TCF25: variants seen among roughly 807,000 people sequenced by gnomAD.
The protein encoded by TCF25 is ribosome quality control complex subunit TCF25.
A neutral mutation model predicts 83.1 loss-of-function variants in TCF25; 41 were observed. The observed-to-expected ratio is 0.49, with a 90% confidence interval of 0.38 to 0.64. The LOEUF (loss-of-function observed/expected upper bound fraction) is 0.64, where lower values mean the gene tolerates loss of function less well. TCF25 is among the 30% of genes least tolerant of loss of function. The pLI is 0.00. For missense variants in TCF25, 979 were observed against 914.5 expected (o/e 1.07, Z -0.91); for synonymous variants, 458 against 365.0 (o/e 1.25, Z -2.90).
intron 12 of TCF25, among the ~76,000 whole-genome samples, chr16:89,901,393 C>T (rs1020750589): frequency 3.3e-5 from 5 of 151,732 alleles, no homozygotes; most frequent in Admixed American, 2.0e-4. Context: ...GGTGAAATCC[C>T]TCCTTAAGAC....
intron 16 of TCF25, chr16:89,909,216 T>C: frequency 2.5e-6 from 3 of 1,186,992 alleles, no homozygotes; most frequent in Non-Finnish European, 3.3e-6. Context: ...CAACTAAAAA[T>C]ACAAAACTTA....
Position 89,873,594 on chromosome 16 carries a change from G to A in TCF25, c.-74G>A. 7.2e-7 allele frequency: 1 copy of A among 1,386,260 alleles called. No individual in the cohort carries two copies. The highest frequency in any genetic ancestry group is 1.5e-5 in the African/African-American group (1 of 66,190). 85.9% of individuals were successfully genotyped at this position (1,386,260 alleles called of 1,614,324 possible). On this transcript the variant is annotated 5_prime_UTR_variant, in exon 1 of 18. Transcript: ENST00000263346. The stretch of plus-strand genomic sequence containing the variant: ...CCGCCCCCGACCCCGCGCGAAGAGT[G>A]CGCAGGCGCGCCGACAGCCGAGTTT...
intron 15 of TCF25, among the ~76,000 whole-genome samples, chr16:89,906,734 C>A (rs762715257): frequency 5.3e-5 from 8 of 152,118 alleles, no homozygotes; most frequent in Non-Finnish European, 1.2e-4. Context: ...GACCGTGGAC[C>A]GTCCACTGGG....
At position 89,893,752 on chromosome 16, in the gene TCF25, CA is replaced by C. The variant is rs750914338; in HGVS notation, c.729del (p.Gly244AlafsTer66). 1 of 1,613,720 alleles carries C rather than the reference CA, an allele frequency of 6.2e-7. No individual in the cohort carries two copies. Reference sequence around the variant, plus strand: ...GGTCTGTCCATGCGGCTGCTGGAATCAAAAAAAGGCCTCTCCTTCTTTGCGT... The same window carrying C: ...GGTCTGTCCATGCGGCTGCTGGAATCAAAAAAGGCCTCTCCTTCTTTGCGT... ...KPGLSMRLLESKKGLSFFAFE... is the reference protein window; with the variant it reads ...KPGLSMRLLEXKKGLSFFAFE... On this transcript the variant is annotated frameshift_variant, in exon 7 of 18. Coordinates refer to ENST00000263346, the MANE Select transcript of TCF25 (RefSeq NM_014972.3). LOFTEE classifies it high-confidence loss of function.
chr16:89,887,526 C>A, intron 4 of TCF25, 126 bp from the exon 5 acceptor site: 2 of 826,902 alleles, frequency 2.4e-6, no homozygotes, highest in Non-Finnish European at 3.5e-6. Flanking sequence ...AGAGAAAGGC[C>A]TGGAAGCTGC....
intron 16 of TCF25, chr16:89,908,826 CCAGCTCCCACCTCG>C (rs553783721): frequency 0.021 from 19,837 of 967,008 alleles, 241 homozygotes; most frequent in Middle Eastern, 0.024. Flanking sequence ...CTCCCAGCTC[CCAGCTCCCACCTCG>C]CAGCTCCCAG....
At chr16:89,893,489 A>G (rs527446507) in intron 6 of TCF25, among the ~76,000 whole-genome samples, 2 of 152,326 alleles carry the variant, frequency 1.3e-5, no homozygotes, top group Admixed American at 6.5e-5. Context: ...CGAGTTCTGG[A>G]GGCAAACACG....
intron 11 of TCF25, 118 bp from the exon 12 acceptor site, chr16:89,900,507 CCCTTGCGTTG>C: frequency 9.6e-7 from 1 of 1,039,472 alleles, no homozygotes; most frequent in Non-Finnish European, 1.3e-6. Context: ...TAGGAAGAGG[CCCTTGCGTTG>C]CCTGCAGAAT....
chr16:89,911,314 T>G lies in TCF25; in HGVS notation c.*76T>G. ...TGTTGGTCGGAGTCGGCCAGTTGCC[T>G]GAAGTAGGGAAGCTGAGTGTGTCGC... On this transcript the variant is annotated 3_prime_UTR_variant, in exon 18 of 18. Coordinates refer to ENST00000263346, the MANE Select transcript of TCF25 (RefSeq NM_014972.3). 1 of 1,579,032 alleles carries G rather than the reference T, an allele frequency of 6.3e-7. No homozygotes were observed. The highest frequency in any genetic ancestry group is 8.6e-7 in the Non-Finnish European group (1 of 1,157,040).
intron 11 of TCF25, among the ~76,000 whole-genome samples, chr16:89,899,740 A>AT (rs1454417010): frequency 6.6e-6 from 1 of 152,036 alleles, no homozygotes; most frequent in Non-Finnish European, 1.5e-5. Flanking sequence ...AAAAAAAAAA[A>AT]AGAAAATTTA....
intron 12 of TCF25, among the ~76,000 whole-genome samples, chr16:89,903,816 A>T (rs999352977): frequency 6.6e-6 from 1 of 151,760 alleles, no homozygotes; most frequent in Non-Finnish European, 1.5e-5. Context: ...CAGAAAAACA[A>T]AAAAAAACCC....
At chr16:89,879,313 CACACGTGCTGTT>C (rs2042432063) in intron 1 of TCF25, among the ~76,000 whole-genome samples, 1 of 145,470 alleles carries the variant, frequency 6.9e-6, no homozygotes, top group Admixed American at 6.9e-5. Context: ...CAGAGCCTGT[CACACGTGCTGTT>C]CGTGTACACA....
At chr16:89,897,189 G>A (rs1219845490) in intron 9 of TCF25, among the ~76,000 whole-genome samples, 1 of 152,258 alleles carries the variant, frequency 6.6e-6, no homozygotes, top group Non-Finnish European at 1.5e-5. Context: ...AAATCAGTGA[G>A]GAGCTCAGAG....
intron 13 of TCF25, 73 bp downstream of exon 13, chr16:89,904,278 C>A: frequency 6.8e-7 from 1 of 1,472,034 alleles, no homozygotes; most frequent in Non-Finnish European, 9.3e-7. Flanking sequence ...TTCACTCATC[C>A]TGAGAGGCCC....
chr16:89,876,083 AAG>A (rs1216511697), intron 1 of TCF25, among the ~76,000 whole-genome samples: 2 of 152,018 alleles, frequency 1.3e-5, no homozygotes, highest in Non-Finnish European at 2.9e-5. Flanking sequence ...TTGACAGAGT[AAG>A]AGTCTGTAAG....
chr16:89,900,355 C>G (rs1042684907), intron 11 of TCF25, among the ~76,000 whole-genome samples: 2 of 152,260 alleles, frequency 1.3e-5, no homozygotes, highest in African/African-American at 4.8e-5. Context: ...CAGAGAGGAG[C>G]CTGGGCGGCA....
At chr16:89,910,184 G>A (rs1053639735) in intron 16 of TCF25, 1 of 203,166 alleles carries the variant, frequency 4.9e-6, no homozygotes, top group Non-Finnish European at 1.0e-5. Flanking sequence ...GTAGCCCTTC[G>A]CACCGTGAGG....
intron 4 of TCF25, 170 bp downstream of exon 4, chr16:89,886,136 T>G (rs896791218): frequency 6.1e-6 from 4 of 650,676 alleles, no homozygotes; most frequent in South Asian, 6.0e-5. Context: ...AAAAATCATA[T>G]GAGTTTATTG....
At chr16:89,909,097 A>AG in intron 16 of TCF25, 3 of 1,289,514 alleles carry the variant, frequency 2.3e-6, no homozygotes, top group South Asian at 1.2e-5. Flanking sequence ...CGAGTGACAC[A>AG]GTGGAAGCAG....
Sources: allele counts gnomAD v4.1 joint callset (sites outside exome capture counted in the v4.1 genomes callset), GRCh38; gene constraint gnomAD v4.1.1; transcripts MANE v1.5; gene names NCBI Gene and HGNC (gene_info 2026-07-23, HGNC 2026-07-21).